Variants in NUDC observed in about 807,000 individuals in gnomAD.
NUDC encodes the protein nuclear distribution C, dynein complex regulator, also known as nuclear migration protein nudC.
A neutral mutation model predicts 45.0 loss-of-function variants in NUDC; 14 were observed. The observed-to-expected ratio is 0.31, with a 90% confidence interval of 0.21 to 0.49. The LOEUF (loss-of-function observed/expected upper bound fraction) is 0.49, where lower values mean the gene tolerates loss of function less well. Among genes scored for constraint, NUDC ranks in the 20% least tolerant of loss-of-function variants. The pLI is 0.99. For synonymous variants in NUDC, 153 were observed against 156.7 expected, an observed-to-expected ratio of 0.98 and a Z score of 0.17; for missense variants, 323 against 426.2, an observed-to-expected ratio of 0.76 and a Z score of 2.13.
At chr1:26,915,465 G>A (rs2082057538) in intron 3 of NUDC, among the ~76,000 whole-genome samples, 1 of 152,208 alleles carries the variant, frequency 6.6e-6, no homozygotes, top group Non-Finnish European at 1.5e-5. Context: ...ATGAGAGAAG[G>A]TGGAGAGGCC....
chr1:26,931,052 T>C (rs2082178866), intron 2 of NUDC, among the ~76,000 whole-genome samples: 1 of 152,010 alleles, frequency 6.6e-6, no homozygotes, highest in African/African-American at 2.4e-5. Context: ...TCATAAAATT[T>C]ACCTTCTTAA....
chr1:26,944,482 G>A (rs2082303590), intron 6 of NUDC, among the ~76,000 whole-genome samples: 1 of 152,144 alleles, frequency 6.6e-6, no homozygotes. Context: ...ACAGGTAGGA[G>A]CCACTGCACC....
At chr1:26,914,410 G>T (rs2082049938) in intron 3 of NUDC, among the ~76,000 whole-genome samples, 1 of 152,186 alleles carries the variant, frequency 6.6e-6, no homozygotes, top group South Asian at 2.1e-4. Flanking sequence ...GGCCCAACCT[G>T]GAAGTGCCTT....
intron 2 of NUDC, among the ~76,000 whole-genome samples, chr1:26,940,790 A>G (rs2082270011): frequency 6.6e-6 from 1 of 152,162 alleles, no homozygotes; most frequent in African/African-American, 2.4e-5. Flanking sequence ...AGTTCAAGCA[A>G]TTCCCCTGCC....
intron 3 of NUDC, among the ~76,000 whole-genome samples, chr1:26,916,359 C>CCT (rs2082061819): frequency 1.3e-5 from 2 of 151,916 alleles, no homozygotes; most frequent in Non-Finnish European, 2.9e-5. Context: ...TGCCCTCCTG[C>CCT]CTTGCTCTAG....
chr1:26,941,423 C>A (rs766726253), intron 2 of NUDC, 34 bp from the exon 3 acceptor site: 10 of 1,606,148 alleles, frequency 6.2e-6, no homozygotes, highest in Non-Finnish European at 3.4e-6. Flanking sequence ...CTGTCCCCTG[C>A]TCTGATGCCT....
At position 26,924,112 on chromosome 1, in the gene NUDC, C is replaced by T. The variant is rs377565879; in HGVS notation, c.105C>T (p.Phe35=). Residue 35 remains phenylalanine (F), a synonymous_variant, in exon 2 of 9, where the codon TTC becomes TTT. Transcript: ENST00000321265. The stretch of plus-strand genomic sequence containing the variant: ...AGCTTGTGAACACCTTCTTCAGCTT[C>T]CTTCGACGCAAAACAGACTTTTTCA... The part of the protein sequence containing the change: ...VQELVNTFFS[F]LRRKTDFFIG... 2.0e-5 allele frequency: 32 copies of T among 1,614,144 alleles called. No individual in the cohort carries two copies. The African/African-American group carries it at 4.1e-4, about 21-fold the overall frequency.
rs1271359640 is a variant in NUDC, at chr1:26,926,463, A to AT, written c.159+2303dup. Among the ~76,000 whole-genome samples, 5 of 152,044 alleles carry AT rather than the reference A, an allele frequency of 3.3e-5. No individual in the cohort carries two copies. The East Asian group carries it at 7.7e-4, about 24-fold the overall frequency. ...AAAGTAGACCCCTTCTAGCTCAGAT[A>AT]TTTTTTCTGTATTGTCACTAACACC... On this transcript the variant is annotated intron_variant, in intron 2 of 8. Coordinates refer to ENST00000321265, the MANE Select transcript of NUDC (RefSeq NM_006600.4).
upstream of NUDC, among the ~76,000 whole-genome samples, chr1:26,918,934 C>A (rs2082075728): frequency 6.6e-6 from 1 of 151,978 alleles, no homozygotes. Context: ...CACACCACCA[C>A]ACCCAACTAA....
chr1:26,915,086 T>A (rs1478155267), intron 3 of NUDC, among the ~76,000 whole-genome samples: 1 of 149,950 alleles, frequency 6.7e-6, no homozygotes, highest in Non-Finnish European at 1.5e-5. Flanking sequence ...TGTATATATA[T>A]GGTTGCCATT....
At chr1:26,922,590 T>A (rs766659011) in intron 1 of NUDC, 1 of 152,582 alleles carries the variant, frequency 6.6e-6, no homozygotes, top group Non-Finnish European at 1.5e-5. Flanking sequence ...TGTTACAGAT[T>A]CTGGAGTTGG....
At chr1:26,913,911 T>G (rs2082046388) in intron 3 of NUDC, 1 of 1,481,652 alleles carries the variant, frequency 6.7e-7, no homozygotes, top group African/African-American at 1.4e-5. Context: ...CTCCCTGGCA[T>G]GGGCAGGCCC....
At chr1:26,908,238 C>T (rs1005393685) in intron 2 of NUDC, among the ~76,000 whole-genome samples, 3 of 152,120 alleles carry the variant, frequency 2.0e-5, no homozygotes, top group African/African-American at 7.2e-5. Flanking sequence ...GTTACATACG[C>T]CATCTGAGCC....
intron 1 of NUDC, chr1:26,902,177 C>T (rs2081982324): frequency 6.6e-6 from 1 of 152,170 alleles, no homozygotes; most frequent in South Asian, 2.1e-4. Context: ...CAAAGCCAGA[C>T]ACAGACTCCA....
At chr1:26,927,874 A>G (rs1200275192) in intron 2 of NUDC, among the ~76,000 whole-genome samples, 1 of 152,204 alleles carries the variant, frequency 6.6e-6, no homozygotes, top group African/African-American at 2.4e-5. Context: ...TGCATTACAT[A>G]CAATAATCTA....
upstream of NUDC, among the ~76,000 whole-genome samples, chr1:26,919,274 C>G (rs1459606604): frequency 6.6e-6 from 1 of 151,832 alleles, no homozygotes; most frequent in African/African-American, 2.4e-5. Flanking sequence ...ACTTTGAGTT[C>G]TAGGGTACAT....
At chr1:26,906,869 A>T (rs1048653233) in intron 2 of NUDC, among the ~76,000 whole-genome samples, 10 of 151,016 alleles carry the variant, frequency 6.6e-5, no homozygotes, top group South Asian at 2.1e-4. Context: ...ATAATAATAA[A>T]AATAAATAAA....
intron 2 of NUDC, among the ~76,000 whole-genome samples, chr1:26,932,720 C>G (rs1273108797): frequency 6.6e-6 from 1 of 152,146 alleles, no homozygotes; most frequent in Non-Finnish European, 1.5e-5. Context: ...GGAACTGAAA[C>G]CCTGTACCCA....
intron 3 of NUDC, among the ~76,000 whole-genome samples, chr1:26,915,769 GC>G (rs776477395): frequency 6.6e-6 from 1 of 152,140 alleles, no homozygotes; most frequent in African/African-American, 2.4e-5. Context: ...GGATTTTTCT[GC>G]CCCTTTCCTC....
Sources: gnomAD v4.1 joint callset for allele counts (sites outside exome capture counted in the v4.1 genomes callset) on GRCh38, gnomAD v4.1.1 for gene constraint, MANE v1.5 for transcripts, NCBI Gene and HGNC (gene_info 2026-07-23, HGNC 2026-07-21) for gene names.